Variants in RAB3GAP2 observed in about 807,000 individuals in gnomAD.
RAB3GAP2 encodes RAB3 GTPase activating non-catalytic protein subunit 2.
A neutral mutation model predicts 185.3 loss-of-function variants in RAB3GAP2; 87 were observed. The ratio of observed to expected loss-of-function variants is 0.47; its 90% confidence interval spans 0.39 to 0.56. The LOEUF (loss-of-function observed/expected upper bound fraction) is 0.56. Among genes scored for constraint, RAB3GAP2 ranks in the 20% least tolerant of loss-of-function variants. The pLI is 0.00. For missense variants in RAB3GAP2, 1,492 were observed against 1,638.2 expected, an observed-to-expected ratio of 0.91 and a Z score of 1.54; for synonymous variants, 554 against 576.1, an observed-to-expected ratio of 0.96 and a Z score of 0.55.
chr1:220,251,948 G>A (rs1180135502), intron 1 of RAB3GAP2, among the ~76,000 whole-genome samples: 5 of 151,994 alleles, frequency 3.3e-5, no homozygotes, highest in African/African-American at 7.2e-5. Flanking sequence ...CCACAAATTC[G>A]AGACCAGCCT....
intron 1 of RAB3GAP2, among the ~76,000 whole-genome samples, chr1:220,250,198 G>A (rs1410490172): frequency 6.6e-6 from 1 of 152,222 alleles, no homozygotes; most frequent in Non-Finnish European, 1.5e-5. Flanking sequence ...AGCCACAGGG[G>A]GGGAGCTGCT....
chr1:220,157,372 G>A lies in RAB3GAP2; in HGVS notation c.3453C>T (p.His1151=), dbSNP rs1300023412. 1.4e-5 allele frequency: 23 copies of A among 1,613,380 alleles called. No homozygotes were observed. The Middle Eastern group carries it at 4.9e-4, about 35-fold the overall frequency. The part of the protein sequence containing the change: ...VELALEQKHI[H]YPLVEHHSIL... ...TGGAGTGGTGCTCCACCAGTGGGTAGTGGATGTGCTTCTGTTCAAGGGCCA... is the reference window on the plus strand; with the variant it reads ...TGGAGTGGTGCTCCACCAGTGGGTAATGGATGTGCTTCTGTTCAAGGGCCA... The change falls in exon 31 of 35, where the codon CAC becomes CAT. Residue 1151 remains histidine, a synonymous_variant. Transcript: ENST00000358951.
chr1:220,253,616 G>T, intron 1 of RAB3GAP2: 2 of 1,578,126 alleles, frequency 1.3e-6, no homozygotes, highest in Non-Finnish European at 1.7e-6. Context: ...GAGGGTGAGC[G>T]AGTGCTGTGC....
At chr1:220,164,188 A>G (rs1018334807) in intron 27 of RAB3GAP2, among the ~76,000 whole-genome samples, 3 of 152,142 alleles carry the variant, frequency 2.0e-5, no homozygotes, top group Non-Finnish European at 4.4e-5. Context: ...TTGGCTACCA[A>G]GATTTTTTAT....
In RAB3GAP2 at chr1:220,182,209, G is replaced by C. The variant is rs146114608; in HGVS notation, c.2310+48C>G. 3.7e-6 allele frequency: 6 copies of C among 1,612,394 alleles called. No individual in the cohort carries two copies. The African/African-American group carries it at 8.0e-5, about 22-fold the overall frequency. On this transcript the variant is annotated intron_variant, in intron 21 of 34. Transcript: ENST00000358951. ...AAAAAAAGAAGACTGACACTTCTGG[G>C]TGACATTCACAAGGAAGAACAGCAT...
At chr1:220,165,610 G>C (rs1368225036) in intron 26 of RAB3GAP2, among the ~76,000 whole-genome samples, 6 of 152,112 alleles carry the variant, frequency 3.9e-5, no homozygotes, top group Non-Finnish European at 2.9e-5. Flanking sequence ...TGGTGGAGCT[G>C]AGACTGGTTG....
intron 26 of RAB3GAP2, 47 bp downstream of exon 26, chr1:220,167,246 T>A (rs1450663182): frequency 6.6e-7 from 1 of 1,525,830 alleles, no homozygotes; most frequent in South Asian, 1.1e-5. Flanking sequence ...ATGAATAGCA[T>A]GAACACAGAA....
intron 21 of RAB3GAP2, among the ~76,000 whole-genome samples, chr1:220,181,190 G>GGACCGC (rs1255502391): frequency 3.3e-5 from 5 of 152,152 alleles, no homozygotes; most frequent in African/African-American, 1.2e-4. Flanking sequence ...GTGCAGAGGT[G>GGACCGC]CAATCAGCAC....
Position 220,213,948 on chromosome 1 carries a change from T to G in RAB3GAP2, c.212A>C (p.Lys71Thr), listed in dbSNP as rs751657086. 2 of 1,613,438 alleles carry G rather than the reference T, an allele frequency of 1.2e-6. No homozygotes were observed. Among genetic ancestry groups the G allele is most frequent in the Non-Finnish European group, 1.7e-6 (2 of 1,179,482 alleles). ...AACACAATCTTGGAGCCAGGAAGTT[T>G]TTTGTGTTTTGCAAGTATTTCCTTC... ...EEEGNTCKTQ[K>T]TSWLQDCVLS... Residue 71 changes from lysine (K) to threonine (T), a missense_variant, in exon 3 of 35, where the codon AAA becomes ACA. This residue lies in a region of RAB3GAP2 where 177 missense variants were observed against 160.6 expected (regional missense o/e 1.10). Transcript: ENST00000358951.
At chr1:220,248,305 CT>C (rs1659857325) in intron 1 of RAB3GAP2, among the ~76,000 whole-genome samples, 1 of 151,996 alleles carries the variant, frequency 6.6e-6, no homozygotes, top group Non-Finnish European at 1.5e-5. Flanking sequence ...GTAAATATGG[CT>C]GATAATACTG....
intron 1 of RAB3GAP2, 49 bp downstream of exon 1, chr1:220,272,174 A>T (rs749722248): frequency 5.3e-5 from 78 of 1,477,300 alleles, no homozygotes; most frequent in Non-Finnish European, 7.1e-5. Flanking sequence ...CCGTGAGCAG[A>T]GGCCGCGGGT....
At chr1:220,164,696 G>C in intron 27 of RAB3GAP2, 37 bp downstream of exon 27, 1 of 1,583,234 alleles carries the variant, frequency 6.3e-7, no homozygotes, top group Non-Finnish European at 8.6e-7. Flanking sequence ...GCCTCTTTTA[G>C]ATCAAACAGT....
chr1:220,192,794 G>A (rs1658649547), intron 13 of RAB3GAP2, among the ~76,000 whole-genome samples: 1 of 152,198 alleles, frequency 6.6e-6, no homozygotes, highest in Admixed American at 6.5e-5. Context: ...ACTCCTAAGT[G>A]ACATACTTAT....
intron 31 of RAB3GAP2, among the ~76,000 whole-genome samples, chr1:220,154,912 C>T (rs188237755): frequency 1.8e-4 from 27 of 152,012 alleles, no homozygotes; most frequent in Admixed American, 9.2e-4. Context: ...TTAGTAGAGA[C>T]GGGGTTTTCA....
intron 21 of RAB3GAP2, among the ~76,000 whole-genome samples, chr1:220,173,795 C>A (rs377018226): frequency 6.6e-6 from 1 of 151,840 alleles, no homozygotes; most frequent in African/African-American, 2.4e-5. Flanking sequence ...CCGAGGCGGG[C>A]GGATCACGAG....
In RAB3GAP2 at chr1:220,154,071, G is replaced by C; in HGVS notation, c.3556-14C>G. 4 of 1,612,854 alleles carry C rather than the reference G, an allele frequency of 2.5e-6. No individual in the cohort carries two copies. Among genetic ancestry groups the C allele is most frequent in the Non-Finnish European group, 3.4e-6 (4 of 1,179,472 alleles). On this transcript the variant is annotated splice_polypyrimidine_tract_variant and intron_variant, in intron 31 of 34. Transcript: ENST00000358951. Reference sequence around the variant, plus strand: ...TGCATTTTTTCCCTAAAAAGAAAGAGAGCAAGAAAACTGATGAGTGTGGAT... The same window carrying C: ...TGCATTTTTTCCCTAAAAAGAAAGACAGCAAGAAAACTGATGAGTGTGGAT...
rs1159716925 is a variant in RAB3GAP2, at chr1:220,272,091, A to C, written c.115+132T>G. On this transcript the variant is annotated intron_variant, in intron 1 of 34. Coordinates refer to ENST00000358951, the MANE Select transcript of RAB3GAP2 (RefSeq NM_012414.4). Reference sequence around the variant, plus strand: ...TGGGCAGGGTGTCATCCCGGAGCGGAGGGGAGGCACGGGGAGAACTGGGGG... The same window carrying C: ...TGGGCAGGGTGTCATCCCGGAGCGGCGGGGAGGCACGGGGAGAACTGGGGG... 4 of 777,128 alleles carry C rather than the reference A, an allele frequency of 5.1e-6. No homozygotes were observed. The African/African-American group carries it at 5.2e-5, about 10-fold the overall frequency. The allele number at this position is 777,128 out of a possible 1,614,324, so 48.1% of individuals were successfully genotyped here.
chr1:220,158,153 A>G lies in RAB3GAP2; in HGVS notation c.3262-277T>C, dbSNP rs191091055. Among the ~76,000 whole-genome samples the G allele has an allele frequency of 2.7e-4, 41 of 152,348 alleles. No homozygotes were observed. The highest frequency in any genetic ancestry group is 4.1e-4 in the Non-Finnish European group (28 of 68,022). ...TTGTAAAGAAACAGCCTCATTAGTT[A>G]CTATAGATGGTGGCACTTCTGAGCT... On this transcript the variant is annotated intron_variant, in intron 29 of 34. Coordinates refer to ENST00000358951, the MANE Select transcript of RAB3GAP2 (RefSeq NM_012414.4). The surrounding 1 kb of genome is among the most constrained non-coding windows in gnomAD (Gnocchi z 4.3).
chr1:220,171,304 C>T (rs1394322205), intron 23 of RAB3GAP2, among the ~76,000 whole-genome samples, 184 bp from the exon 24 acceptor site: 1 of 152,158 alleles, frequency 6.6e-6, no homozygotes, highest in African/African-American at 2.4e-5. Flanking sequence ...ATTGGAGACT[C>T]ATGGGCAAGG....
Sources: gnomAD v4.1 joint callset for allele counts (sites outside exome capture counted in the v4.1 genomes callset) on GRCh38, gnomAD v4.1.1 for gene constraint, gnomAD v4.1.1 regional missense constraint, Gnocchi (gnomAD v3.1) non-coding constraint, MANE v1.5 for transcripts, NCBI Gene and HGNC (gene_info 2026-07-23, HGNC 2026-07-21) for gene names.